GMDS: variants seen among roughly 807,000 people sequenced by gnomAD.
GMDS encodes the protein GDP-mannose 4,6-dehydratase, also known as GDP-mannose 4,6 dehydratase.
A neutral mutation model predicts 49.9 loss-of-function variants in GMDS; 20 were observed. That is an observed-to-expected ratio of 0.40 (90% CI 0.28 to 0.58). The LOEUF is 0.58. Ranked by LOEUF, GMDS falls within the 20% of genes least tolerant of loss-of-function variation. GMDS has a pLI of 0.42. For missense variants in GMDS, 362 were observed against 481.4 expected (o/e 0.75, Z 2.32); for synonymous variants, 177 against 178.6 (o/e 0.99, Z 0.07).
At chr6:1,783,477 TCAGA>T (rs997096892) in intron 7 of GMDS, among the ~76,000 whole-genome samples, 2 of 152,168 alleles carry the variant, frequency 1.3e-5, no homozygotes, top group Non-Finnish European at 2.9e-5. Context: ...GACTCAAGTA[TCAGA>T]CAAACACTGA....
chr6:1,711,484 A>G (rs62388331), intron 9 of GMDS, among the ~76,000 whole-genome samples: 36,958 of 152,212 alleles, frequency 0.24, 5,010 homozygotes, highest in African/African-American at 0.36. Context: ...CTTTAAGAAC[A>G]CTTGGGTAAC....
intron 7 of GMDS, among the ~76,000 whole-genome samples, chr6:1,834,359 CTGAGCAAT>C (rs1207587788): frequency 2.6e-5 from 4 of 152,162 alleles, no homozygotes; most frequent in African/African-American, 9.7e-5. Flanking sequence ...TTGCATTTCC[CTGAGCAAT>C]TGCTCTGAGG....
intron 1 of GMDS, among the ~76,000 whole-genome samples, chr6:2,129,636 G>A (rs1775629741): frequency 1.3e-5 from 2 of 152,128 alleles, no homozygotes; most frequent in South Asian, 2.1e-4. Context: ...GCCTTTTTAT[G>A]TTCTTTAACT....
At chr6:1,956,181 G>T (rs926146547) in intron 6 of GMDS, among the ~76,000 whole-genome samples, 2 of 152,160 alleles carry the variant, frequency 1.3e-5, no homozygotes, top group Non-Finnish European at 2.9e-5. Flanking sequence ...GAATGTTGAG[G>T]ATCTGTCTAC....
chr6:1,734,508 G>A (rs1179731620), intron 8 of GMDS, among the ~76,000 whole-genome samples: 2 of 152,230 alleles, frequency 1.3e-5, no homozygotes, highest in Non-Finnish European at 2.9e-5. Context: ...AAGGGGTGCT[G>A]GAGCCAAGAC....
At chr6:1,884,339 A>G (rs1398336502) in intron 7 of GMDS, among the ~76,000 whole-genome samples, 1 of 152,242 alleles carries the variant, frequency 6.6e-6, no homozygotes, top group Non-Finnish European at 1.5e-5. Flanking sequence ...CTTAATAAAA[A>G]GCACAAATCC....
chr6:2,081,426 T>C (rs1326695286), intron 4 of GMDS, among the ~76,000 whole-genome samples: 3 of 152,134 alleles, frequency 2.0e-5, no homozygotes, highest in African/African-American at 7.2e-5. Context: ...TCATCAGGAC[T>C]TCCCCTCCGG....
intron 4 of GMDS, among the ~76,000 whole-genome samples, chr6:2,093,484 G>T (rs954231311): frequency 6.6e-6 from 1 of 152,116 alleles, no homozygotes; most frequent in Non-Finnish European, 1.5e-5. Context: ...AGTTGTTAAT[G>T]ACTGCAATAG....
intron 4 of GMDS, among the ~76,000 whole-genome samples, chr6:2,078,207 T>C (rs140420005): frequency 2.2e-4 from 33 of 152,196 alleles, no homozygotes; most frequent in African/African-American, 7.5e-4. Context: ...TTTTGTGTCT[T>C]TTCAAAGAAT....
chr6:2,145,845 G>A (rs1224109621), intron 1 of GMDS, among the ~76,000 whole-genome samples: 1 of 152,178 alleles, frequency 6.6e-6, no homozygotes, highest in Non-Finnish European at 1.5e-5. Context: ...TGGCTACATA[G>A]CGACATCTAT....
chr6:1,624,250 C>T lies in GMDS; in HGVS notation c.1057-19G>A. 6.2e-7 allele frequency: 1 copy of T among 1,608,866 alleles called. No individual in the cohort carries two copies. Among genetic ancestry groups the T allele is most frequent in the East Asian group, 2.2e-5 (1 of 44,838 alleles). ...CCAGCTCCTGCAACACAGGGGTGGG[C>T]GTGAGGGAGGAGCTTCTGCCACTCT... On this transcript the variant is annotated intron_variant, in intron 10 of 10. Coordinates refer to ENST00000380815, the MANE Select transcript of GMDS (RefSeq NM_001500.4).
Position 1,809,845 on chromosome 6 carries a change from G to A in GMDS, c.772-67259C>T, listed in dbSNP as rs970830696. ...CAACAACCACGCATGGAATATTTAC[G>A]GTAACCGGAGGGTGATACGTTACAA... On this transcript the variant is annotated intron_variant, in intron 7 of 10. Transcript: ENST00000380815. 2.6e-5 allele frequency among the ~76,000 whole-genome samples: 4 copies of A among 152,064 alleles called. No homozygotes were observed. In the South Asian group the frequency reaches 8.3e-4, roughly 32 times the overall value.
At chr6:2,112,155 T>C (rs1368239990) in intron 4 of GMDS, among the ~76,000 whole-genome samples, 1 of 152,240 alleles carries the variant, frequency 6.6e-6, no homozygotes, top group Non-Finnish European at 1.5e-5. Context: ...ACTTGAGAAG[T>C]ATTTATTATC....
At chr6:1,857,013 G>A (rs1282754192) in intron 7 of GMDS, among the ~76,000 whole-genome samples, 6 of 152,186 alleles carry the variant, frequency 3.9e-5, no homozygotes, top group Admixed American at 3.9e-4. Context: ...GCATAGAGTT[G>A]TCCCACATGC....
chr6:1,671,478 A>G (rs953997809), intron 9 of GMDS, among the ~76,000 whole-genome samples: 4 of 152,098 alleles, frequency 2.6e-5, no homozygotes, highest in African/African-American at 7.2e-5. Flanking sequence ...ACTAAAGGGC[A>G]TTATTATTTT....
At chr6:2,185,169 A>T (rs971223995) in intron 1 of GMDS, among the ~76,000 whole-genome samples, 1 of 152,242 alleles carries the variant, frequency 6.6e-6, no homozygotes, top group Non-Finnish European at 1.5e-5. Flanking sequence ...TAAGCAGTGA[A>T]GTATGCCAAA....
At chr6:2,073,913 C>T (rs1442765226) in intron 4 of GMDS, among the ~76,000 whole-genome samples, 3 of 152,090 alleles carry the variant, frequency 2.0e-5, no homozygotes, top group Non-Finnish European at 2.9e-5. Context: ...ATTTGTCCAC[C>T]GATGAACAGT....
chr6:1,725,261 C>T (rs895341664), intron 9 of GMDS, among the ~76,000 whole-genome samples: 42 of 152,250 alleles, frequency 2.8e-4, no homozygotes, highest in African/African-American at 9.4e-4. Flanking sequence ...TGAGGATGGA[C>T]CTCATTAAAG....
chr6:1,875,691 C>T (rs1686168069), intron 7 of GMDS, among the ~76,000 whole-genome samples: 1 of 152,024 alleles, frequency 6.6e-6, no homozygotes, highest in African/African-American at 2.4e-5. Flanking sequence ...ATTAAATTTA[C>T]TCAAAATAAT....
Sources: gnomAD v4.1 joint callset for allele counts (sites outside exome capture counted in the v4.1 genomes callset) on GRCh38, gnomAD v4.1.1 for gene constraint, MANE v1.5 for transcripts, NCBI Gene and HGNC (gene_info 2026-07-23, HGNC 2026-07-21) for gene names.